The following CNNM2 variants were observed in gnomAD, a reference collection of about 807,000 sequenced individuals.
CNNM2 encodes the protein cyclin and CBS domain divalent metal cation transport mediator 2.
A neutral mutation model predicts 66.9 loss-of-function variants in CNNM2; 12 were observed. The observed-to-expected ratio is 0.18, with a 90% CI of 0.11 to 0.29. The LOEUF (loss-of-function observed/expected upper bound fraction) is 0.29. Ranked by LOEUF, CNNM2 falls within the 10% of genes least tolerant of loss-of-function variation. CNNM2 has a pLI of 1.00. For synonymous variants in CNNM2, 557 were observed against 501.8 expected, an observed-to-expected ratio of 1.11 and a Z score of -1.47; for missense variants, 705 against 1,167.7, an observed-to-expected ratio of 0.60 and a Z score of 5.77.
At chr10:103,061,052 G>A (rs552956445) in intron 4 of CNNM2, among the ~76,000 whole-genome samples, 17 of 152,234 alleles carry the variant, frequency 1.1e-4, no homozygotes, top group Admixed American at 1.0e-3. Flanking sequence ...CTATAATTAT[G>A]TGGAAAAAGA....
At chr10:102,980,790 A>G (rs2063707566) in intron 1 of CNNM2, among the ~76,000 whole-genome samples, 1 of 152,214 alleles carries the variant, frequency 6.6e-6, no homozygotes, top group Admixed American at 6.5e-5. Flanking sequence ...TTATGACTAC[A>G]TAAAGATTGT....
chr10:103,047,014 G>C (rs987433577), intron 1 of CNNM2, among the ~76,000 whole-genome samples: 1 of 152,140 alleles, frequency 6.6e-6, no homozygotes, highest in Non-Finnish European at 1.5e-5. Context: ...AATATATGCA[G>C]GTACTCCCCC....
chr10:103,000,948 TG>T (rs764926199), intron 1 of CNNM2, among the ~76,000 whole-genome samples: 16 of 152,128 alleles, frequency 1.1e-4, no homozygotes, highest in Non-Finnish European at 2.2e-4. Flanking sequence ...TGTCCATCAG[TG>T]GATGAATGGG....
chr10:102,986,725 A>G (rs2063803945), intron 1 of CNNM2, among the ~76,000 whole-genome samples: 1 of 141,922 alleles, frequency 7.0e-6, no homozygotes, highest in South Asian at 2.2e-4. Context: ...GCTTGCAGTG[A>G]CCCGAGATTG....
intron 6 of CNNM2, among the ~76,000 whole-genome samples, chr10:103,075,407 C>T (rs2065672682): frequency 6.6e-6 from 1 of 152,180 alleles, no homozygotes; most frequent in Non-Finnish European, 1.5e-5. Context: ...CAGACTGGCG[C>T]TCCTTCCACT....
chr10:103,052,892 G>A (rs2065239758), intron 2 of CNNM2, among the ~76,000 whole-genome samples: 1 of 152,172 alleles, frequency 6.6e-6, no homozygotes, highest in Non-Finnish European at 1.5e-5. Flanking sequence ...ATTCTGTATT[G>A]ATTTCTACTG....
intron 1 of CNNM2, chr10:102,927,574 C>A: frequency 1.1e-6 from 1 of 943,908 alleles, no homozygotes; most frequent in South Asian, 1.9e-5. Context: ...GACAGTCTGG[C>A]CACCATGGTG....
At chr10:102,941,383 C>T (rs1846428061) in intron 1 of CNNM2, among the ~76,000 whole-genome samples, 1 of 152,160 alleles carries the variant, frequency 6.6e-6, no homozygotes, top group South Asian at 2.1e-4. Context: ...GCTGGGATTA[C>T]AGGCGTGAGC....
intron 1 of CNNM2, among the ~76,000 whole-genome samples, chr10:102,931,785 C>T (rs1432804259): frequency 6.6e-6 from 1 of 151,452 alleles, no homozygotes; most frequent in African/African-American, 2.4e-5. Flanking sequence ...ATTTGACATT[C>T]CCATGAATAA....
At chr10:102,924,099 G>C (rs1024362874) in intron 1 of CNNM2, among the ~76,000 whole-genome samples, 1 of 152,144 alleles carries the variant, frequency 6.6e-6, no homozygotes, top group African/African-American at 2.4e-5. Context: ...GTCTAAATAA[G>C]AGAATAAATT....
chr10:102,967,750 T>C (rs2063487059), intron 1 of CNNM2, among the ~76,000 whole-genome samples: 1 of 152,236 alleles, frequency 6.6e-6, no homozygotes, highest in African/African-American at 2.4e-5. Context: ...AGCTCATGCC[T>C]GTAATCCCAG....
intron 7 of CNNM2, 35 bp downstream of exon 7, chr10:103,076,305 CAGTT>C: frequency 6.5e-7 from 1 of 1,543,648 alleles, no homozygotes; most frequent in Non-Finnish European, 8.8e-7. Context: ...CTGGACCTGG[CAGTT>C]AGTTGTCAAC....
intron 1 of CNNM2, among the ~76,000 whole-genome samples, chr10:102,944,368 G>A (rs556631692): frequency 9.9e-5 from 15 of 152,174 alleles, no homozygotes; most frequent in South Asian, 2.1e-4. Context: ...GTGAGCCATC[G>A]TGCCTGGCCT....
rs2065739560 is a variant in CNNM2 at position 103,079,802 on chromosome 10, A to G, written c.*2622A>G. 6.6e-6 allele frequency: 1 copy of G among 152,198 alleles called. No individual in the cohort carries two copies. Among genetic ancestry groups the G allele is most frequent in the South Asian group, 2.1e-4 (1 of 4,828 alleles). 9.4% of individuals were successfully genotyped at this position (152,198 alleles called of 1,614,324 possible). A position where few individuals can be genotyped will look rare whatever the true frequency, so the allele number is the denominator to read the frequency against. On this transcript the variant is annotated 3_prime_UTR_variant, in exon 8 of 8. Coordinates refer to ENST00000369878, the MANE Select transcript of CNNM2 (RefSeq NM_017649.5). ...TAATTCCTGTCAGGTCCCTGAAGGA[A>G]TGAAGGCTAACATCTCCTTTGGGGA... is the stretch of plus-strand genomic sequence containing the variant.
intron 1 of CNNM2, among the ~76,000 whole-genome samples, chr10:102,936,409 A>AG (rs1257481605): frequency 6.6e-6 from 1 of 152,130 alleles, no homozygotes; most frequent in Non-Finnish European, 1.5e-5. Context: ...AACTAAGCAG[A>AG]GAAAAAACCC....
At position 103,087,530 on chromosome 10, in the gene CNNM2, G is replaced by A. The variant is rs894031747; in HGVS notation, c.*10350G>A. On this transcript the variant is annotated 3_prime_UTR_variant, in exon 8 of 8. Transcript: ENST00000369878. ...CTTATATGGATGCAATACAAAAAGT[G>A]GTAAATTAAAGCAAAGCAATCATGT... The A allele has an allele frequency of 4.6e-5, 7 of 152,094 alleles. No individual in the cohort carries two copies. Among genetic ancestry groups the A allele is most frequent in the African/African-American group, 1.7e-4 (7 of 41,418 alleles). 9.4% of individuals were successfully genotyped at this position (152,094 alleles called of 1,614,324 possible). A position where few individuals can be genotyped will look rare whatever the true frequency, so the allele number is the denominator to read the frequency against.
intron 7 of CNNM2, 143 bp downstream of exon 7, chr10:103,076,413 A>C (rs1590515410): frequency 1.3e-6 from 1 of 778,286 alleles, no homozygotes. Flanking sequence ...TCAACTACAC[A>C]CCCTGTCTTC....
chr10:103,016,000 C>G (rs566984233), intron 1 of CNNM2, among the ~76,000 whole-genome samples: 2 of 152,142 alleles, frequency 1.3e-5, no homozygotes, highest in African/African-American at 4.8e-5. Context: ...GATTTCTCCC[C>G]TTTTAAGTAC....
At chr10:102,978,895 T>G (rs1165838179) in intron 1 of CNNM2, among the ~76,000 whole-genome samples, 1 of 152,236 alleles carries the variant, frequency 6.6e-6, no homozygotes, top group Non-Finnish European at 1.5e-5. Context: ...GAGTCTGGCT[T>G]CTTTTATGCA....
Sources: allele counts gnomAD v4.1 joint callset (sites outside exome capture counted in the v4.1 genomes callset), GRCh38; gene constraint gnomAD v4.1.1; transcripts MANE v1.5; gene names NCBI Gene and HGNC (gene_info 2026-07-23, HGNC 2026-07-21).